The following IL7 variants were observed in gnomAD, a reference collection of about 807,000 sequenced individuals.
The protein encoded by IL7 is interleukin-7.
IL7 carries 3 observed loss-of-function variants against 21.6 expected under a neutral mutation model. The observed-to-expected ratio is 0.14, with a 90% CI of 0.06 to 0.36. The LOEUF (loss-of-function observed/expected upper bound fraction) is 0.36, where lower values mean the gene tolerates loss of function less well. Ranked by LOEUF, IL7 falls within the 10% of genes least tolerant of loss-of-function variation. The probability of loss-of-function intolerance (pLI) is 1.00; values close to 1 mark genes in which losing one functional copy is unlikely to be tolerated. For synonymous variants in IL7, 62 were observed against 68.1 expected (o/e 0.91, Z 0.44); for missense variants, 175 against 200.2 (o/e 0.87, Z 0.76).
chr8:78,763,295 C>T (rs1217373355), intron 2 of IL7, among the ~76,000 whole-genome samples: 2 of 152,124 alleles, frequency 1.3e-5, no homozygotes, highest in Admixed American at 6.5e-5. Context: ...ATGATAGCAA[C>T]CATGTATTCA....
At chr8:78,781,155 C>A (rs193277143) in intron 2 of IL7, among the ~76,000 whole-genome samples, 2 of 152,240 alleles carry the variant, frequency 1.3e-5, no homozygotes, top group Admixed American at 1.3e-4. Context: ...ACTAGTGGAC[C>A]TTGACTCTTT....
intron 2 of IL7, among the ~76,000 whole-genome samples, chr8:78,745,662 T>C (rs888186020): frequency 3.3e-5 from 5 of 152,236 alleles, no homozygotes; most frequent in African/African-American, 1.2e-4. Flanking sequence ...TGATTATTTT[T>C]GAAAAGATGC....
chr8:78,801,284 A>G (rs1814049800), intron 1 of IL7, among the ~76,000 whole-genome samples: 1 of 152,224 alleles, frequency 6.6e-6, no homozygotes, highest in Non-Finnish European at 1.5e-5. Context: ...TGTTCCATTA[A>G]GAGTGCACAT....
At chr8:78,773,353 T>C (rs533769997) in intron 2 of IL7, among the ~76,000 whole-genome samples, 1 of 152,188 alleles carries the variant, frequency 6.6e-6, no homozygotes, top group Admixed American at 6.5e-5. Flanking sequence ...GGGCCAGAAA[T>C]GGACTTTTTT....
At chr8:78,743,059 C>T (rs1586060679) in intron 2 of IL7, among the ~76,000 whole-genome samples, 1 of 152,170 alleles carries the variant, frequency 6.6e-6, no homozygotes, top group Non-Finnish European at 1.5e-5. Flanking sequence ...AGGACATGAT[C>T]TCATTGATCT....
At chr8:78,682,741 C>T (rs1476789278) in intron 4 of IL7, among the ~76,000 whole-genome samples, 2 of 152,158 alleles carry the variant, frequency 1.3e-5, no homozygotes. Flanking sequence ...AAAGTCTTAA[C>T]TCATTTCAGC....
At chr8:78,697,090 T>G (rs1810445895) in intron 3 of IL7, among the ~76,000 whole-genome samples, 2 of 152,228 alleles carry the variant, frequency 1.3e-5, no homozygotes, top group Non-Finnish European at 2.9e-5. Flanking sequence ...CTTCCTCAAT[T>G]TGTATAATTC....
intron 2 of IL7, among the ~76,000 whole-genome samples, chr8:78,745,233 T>A (rs1811939630): frequency 6.6e-6 from 1 of 152,246 alleles, no homozygotes; most frequent in East Asian, 1.9e-4. Context: ...AATTACATTT[T>A]AAGTATCTTC....
At chr8:78,703,876 A>T (rs888793724) in intron 3 of IL7, among the ~76,000 whole-genome samples, 4 of 152,088 alleles carry the variant, frequency 2.6e-5, no homozygotes, top group African/African-American at 9.7e-5. Context: ...GTTTTACAGT[A>T]TTACTGGTCT....
At chr8:78,797,278 G>T (rs112204943) in intron 2 of IL7, among the ~76,000 whole-genome samples, 3,678 of 151,994 alleles carry the variant, frequency 0.024, 151 homozygotes, top group African/African-American at 0.084. Flanking sequence ...TGAGTCGGTG[G>T]ATAGGAGATT....
At chr8:78,779,927 C>T (rs929389189) in intron 2 of IL7, among the ~76,000 whole-genome samples, 2 of 152,250 alleles carry the variant, frequency 1.3e-5, no homozygotes, top group South Asian at 2.1e-4. Flanking sequence ...TGTTATTCGC[C>T]TATTCAAGGA....
In IL7 at chr8:78,761,404, T is replaced by C. The variant is rs529119642; in HGVS notation, c.148-21322A>G. 42 of 1,611,970 alleles carry C rather than the reference T, an allele frequency of 2.6e-5. No individual in the cohort carries two copies. The East Asian group carries it at 3.1e-4, about 12-fold the overall frequency. The stretch of plus-strand genomic sequence containing the variant: ...TCTCTAAAAGTCTAGAAGCAACAAC[T>C]TTCATTTTGGAAGAAAATCCACTAG... On this transcript the variant is annotated intron_variant, in intron 2 of 5. Coordinates refer to ENST00000263851, the MANE Select transcript of IL7 (RefSeq NM_000880.4).
At chr8:78,716,196 C>T (rs892206067), downstream of IL7, among the ~76,000 whole-genome samples, 4 of 151,456 alleles carry the variant, frequency 2.6e-5, no homozygotes, top group South Asian at 2.1e-4. Flanking sequence ...AATCTCGGCT[C>T]ACTGCAAGCT....
chr8:78,782,841 T>A (rs1488685617), intron 2 of IL7, among the ~76,000 whole-genome samples: 1 of 151,948 alleles, frequency 6.6e-6, no homozygotes, highest in Non-Finnish European at 1.5e-5. Context: ...AGAAGCTCCA[T>A]CCCAGGGGTA....
At chr8:78,802,529 C>G (rs1194576294) in intron 1 of IL7, among the ~76,000 whole-genome samples, 1 of 151,520 alleles carries the variant, frequency 6.6e-6, no homozygotes, top group East Asian at 1.9e-4. Context: ...CTCCCAGGTT[C>G]AAGTGATTCT....
At chr8:78,688,023 C>T (rs970497655) in intron 3 of IL7, among the ~76,000 whole-genome samples, 6 of 147,764 alleles carry the variant, frequency 4.1e-5, no homozygotes, top group African/African-American at 1.2e-4. Context: ...GCTGTGTTTC[C>T]GTAAAACTTC....
chr8:78,800,976 T>C (rs574052319), intron 1 of IL7, among the ~76,000 whole-genome samples: 1 of 152,218 alleles, frequency 6.6e-6, no homozygotes, highest in Non-Finnish European at 1.5e-5. Flanking sequence ...AGTAGTTAAG[T>C]GCTCCTCAAA....
At chr8:78,735,276 CTT>C in intron 5 of IL7, among the ~76,000 whole-genome samples, 1 of 78,518 alleles carries the variant, frequency 1.3e-5, no homozygotes, top group Non-Finnish European at 2.3e-5. Context: ...CTTTTCTTTT[CTT>C]TTTTTTTTTT....
intron 2 of IL7, among the ~76,000 whole-genome samples, chr8:78,771,291 G>C (rs761221776): frequency 6.6e-6 from 1 of 151,752 alleles, no homozygotes; most frequent in East Asian, 1.9e-4. Context: ...AGTTTTGATT[G>C]GTCTAAGACT....
Sources: allele counts gnomAD v4.1 joint callset (sites outside exome capture counted in the v4.1 genomes callset), GRCh38; gene constraint gnomAD v4.1.1; transcripts MANE v1.5; gene names NCBI Gene and HGNC (gene_info 2026-07-23, HGNC 2026-07-21).